The following MYRFL variants were observed in gnomAD, a reference collection of about 807,000 sequenced individuals.
MYRFL encodes the protein myelin regulatory factor like.
A neutral mutation model predicts 109.4 loss-of-function variants in MYRFL; 88 were observed. That is an observed-to-expected ratio of 0.80 (90% CI 0.68 to 0.96). The LOEUF is 0.96. Among genes scored for constraint, MYRFL ranks in the 40% least tolerant of loss-of-function variants. MYRFL has a pLI of 0.00. For missense variants in MYRFL, 957 were observed against 954.9 expected, an observed-to-expected ratio of 1.00 and a Z score of -0.03; for synonymous variants, 324 against 320.9, an observed-to-expected ratio of 1.01 and a Z score of -0.10.
rs1199658772 is a variant in MYRFL at position 69,891,690 on chromosome 12, G to GTTCTTTCT, written c.903+527_903+528insTTTCTTTC. 5.4e-3 allele frequency among the ~76,000 whole-genome samples: 242 copies of GTTCTTTCT among 44,706 alleles called. 10 individuals carry two copies. The South Asian group carries it at 0.088, about 16-fold the overall frequency. 29.3% of individuals were successfully genotyped at this position (44,706 alleles called of 152,430 possible). ...CTTTCTTTCTTTCTTTCTTTCGTTC[G>GTTCTTTCT]TTCGTTCTTTCTTTCTTTTTTTCTT... is the stretch of plus-strand genomic sequence containing the variant. On this transcript the variant is annotated intron_variant, in intron 7 of 24. Coordinates refer to ENST00000552032, the MANE Select transcript of MYRFL (RefSeq NM_182530.3).
chr12:69,919,254 CAT>C, intron 13 of MYRFL, among the ~76,000 whole-genome samples: 1 of 152,322 alleles, frequency 6.6e-6, no homozygotes, highest in Middle Eastern at 3.4e-3. Flanking sequence ...GACAAGAAAT[CAT>C]AGAATTACAA....
rs1469640099 is a variant in MYRFL, at chr12:69,926,602, T to C, written c.1634T>C (p.Val545Ala). The C allele has an allele frequency of 7.9e-6, 12 of 1,520,436 alleles. No homozygotes were observed. Among genetic ancestry groups the C allele is most frequent in the Non-Finnish European group, 8.8e-6 (10 of 1,140,262 alleles). The allele number at this position is 1,520,436 out of a possible 1,614,324, so 94.2% of individuals were successfully genotyped here. The change falls in exon 14 of 25, where the codon GTG (valine) becomes GCG (alanine). Residue 545 changes from valine (V) to alanine (A), a missense_variant. Transcript: ENST00000552032. Reference protein sequence around the residue: ...DQIFMENVGAVKQLCKLTNNL... With the variant: ...DQIFMENVGAAKQLCKLTNNL... ...ATCTTTATGGAAAATGTAGGTGCAG[T>C]GAAGCAACTGTGCAAACTAACTAAC...
At chr12:69,845,926 A>G (rs1883505239) in intron 1 of MYRFL, among the ~76,000 whole-genome samples, 1 of 152,040 alleles carries the variant, frequency 6.6e-6, no homozygotes, top group Admixed American at 6.6e-5. Flanking sequence ...TAATACCTGC[A>G]TCATGCAGTG....
At chr12:69,875,100 T>C (rs1225254251) in intron 2 of MYRFL, among the ~76,000 whole-genome samples, 1 of 137,464 alleles carries the variant, frequency 7.3e-6, no homozygotes, top group Non-Finnish European at 1.6e-5. Flanking sequence ...TTTTCCTAAA[T>C]TTAGGAAGAT....
intron 19 of MYRFL, 98 bp downstream of exon 19, chr12:69,936,730 G>T: frequency 8.9e-7 from 1 of 1,123,290 alleles, no homozygotes; most frequent in Non-Finnish European, 1.2e-6. Context: ...TCCAGATAAT[G>T]GTTCCATGCT....
At position 69,853,098 on chromosome 12, in the gene MYRFL, G is replaced by C. The variant is rs562900537; in HGVS notation, c.47-2182G>C. On this transcript the variant is annotated intron_variant, in intron 1 of 24. Transcript: ENST00000552032. Reference sequence around the variant, plus strand: ...CATGGCCCGTTCTCAATGAGCTGTTGGGTACACCTCCCAGACGGGGTGGCG... The same window carrying C: ...CATGGCCCGTTCTCAATGAGCTGTTCGGTACACCTCCCAGACGGGGTGGCG... Among the ~76,000 whole-genome samples the C allele has an allele frequency of 3.0e-4, 46 of 152,358 alleles. 1 individual carries two copies. The highest frequency in any genetic ancestry group is 9.1e-4 in the Admixed American group (14 of 15,312).
chr12:69,887,095 CT>C (rs1886504310), intron 6 of MYRFL, 125 bp downstream of exon 6: 8 of 970,268 alleles, frequency 8.2e-6, no homozygotes, highest in Middle Eastern at 2.7e-4. Flanking sequence ...GAGAAAGTGT[CT>C]GTCTTACTCC....
intron 19 of MYRFL, among the ~76,000 whole-genome samples, chr12:69,937,475 G>A (rs75516851): frequency 0.021 from 3,143 of 152,164 alleles, 106 homozygotes; most frequent in African/African-American, 0.072. Flanking sequence ...ACAGTTCTTG[G>A]TCATCATGTC....
At chr12:69,917,350 T>G (rs1443006469) in intron 13 of MYRFL, among the ~76,000 whole-genome samples, 2 of 147,692 alleles carry the variant, frequency 1.4e-5, no homozygotes, top group African/African-American at 4.9e-5. Flanking sequence ...AGGGTATTTG[T>G]CCCTAACTGA....
At chr12:69,864,789 C>T (rs1419883357) in intron 2 of MYRFL, among the ~76,000 whole-genome samples, 1 of 152,118 alleles carries the variant, frequency 6.6e-6, no homozygotes, top group African/African-American at 2.4e-5. Context: ...GCCCCTGTGC[C>T]TGCCCTCACA....
At chr12:69,871,897 ACTC>A (rs1325530695) in intron 2 of MYRFL, among the ~76,000 whole-genome samples, 2 of 151,808 alleles carry the variant, frequency 1.3e-5, no homozygotes, top group African/African-American at 4.8e-5. Context: ...TCGTCAATAA[ACTC>A]CTCAATCCAT....
rs143958893 is a variant in MYRFL at position 69,918,211 on chromosome 12, A to G, written c.1602+7281A>G. Among the ~76,000 whole-genome samples the G allele has an allele frequency of 3.0e-3, 451 of 152,306 alleles. 6 individuals carry two copies. Among genetic ancestry groups the G allele is most frequent in the African/African-American group, 0.01 (425 of 41,572 alleles). On this transcript the variant is annotated intron_variant, in intron 13 of 24. Transcript: ENST00000552032. ...CTTGGGCTTGGAAGTGGCCCCTCCAATGAGGCTTCATGTGCCCTCGCATCA... is the reference window on the plus strand; with the variant it reads ...CTTGGGCTTGGAAGTGGCCCCTCCAGTGAGGCTTCATGTGCCCTCGCATCA...
intron 1 of MYRFL, among the ~76,000 whole-genome samples, chr12:69,847,042 GTTGT>G (rs1883602091): frequency 2.0e-5 from 3 of 152,066 alleles, no homozygotes; most frequent in East Asian, 1.9e-4. Flanking sequence ...TTTTGATGGG[GTTGT>G]TTGTTTTTTT....
At chr12:69,874,430 G>A (rs564180590) in intron 2 of MYRFL, among the ~76,000 whole-genome samples, 1 of 152,178 alleles carries the variant, frequency 6.6e-6, no homozygotes, top group East Asian at 1.9e-4. Flanking sequence ...CTTCTCCTTC[G>A]GCCTCCCAAA....
intron 2 of MYRFL, among the ~76,000 whole-genome samples, chr12:69,874,172 GTTATT>G (rs1885518701): frequency 1.3e-5 from 2 of 152,122 alleles, no homozygotes; most frequent in South Asian, 2.1e-4. Flanking sequence ...ATTTTATTTT[GTTATT>G]TTATTTTATT....
At chr12:69,847,860 A>C (rs1265699629) in intron 1 of MYRFL, among the ~76,000 whole-genome samples, 1 of 152,178 alleles carries the variant, frequency 6.6e-6, no homozygotes, top group East Asian at 1.9e-4. Context: ...ATGTAGTCTG[A>C]AAAAATCAAT....
chr12:69,834,331 G>A (rs1241020133), intron 1 of MYRFL, among the ~76,000 whole-genome samples: 1 of 152,162 alleles, frequency 6.6e-6, no homozygotes, highest in Admixed American at 6.5e-5. Flanking sequence ...TGTCATTCTC[G>A]TAGGGTTAAA....
At chr12:69,912,949 G>A (rs574211583) in intron 13 of MYRFL, among the ~76,000 whole-genome samples, 70 of 152,046 alleles carry the variant, frequency 4.6e-4, no homozygotes, top group Non-Finnish European at 7.5e-4. Flanking sequence ...GTTTGTCCAC[G>A]TCCTCACCGA....
chr12:69,953,906 C>T (rs1422306880), intron 21 of MYRFL, among the ~76,000 whole-genome samples: 1 of 152,080 alleles, frequency 6.6e-6, no homozygotes, highest in Admixed American at 6.6e-5. Flanking sequence ...TGTGGGTTTT[C>T]AGCCTCATTT....
Sources: allele counts gnomAD v4.1 joint callset (sites outside exome capture counted in the v4.1 genomes callset), GRCh38; gene constraint gnomAD v4.1.1; transcripts MANE v1.5; gene names NCBI Gene and HGNC (gene_info 2026-07-23, HGNC 2026-07-21).